RHBDD1: variants seen among roughly 807,000 people sequenced by gnomAD.
The protein encoded by RHBDD1 is rhomboid-related protein 4.
A neutral mutation model predicts 36.3 loss-of-function variants in RHBDD1; 38 were observed. The observed-to-expected ratio is 1.05, with a 90% CI of 0.81 to 1.37. RHBDD1 has a LOEUF of 1.37. Among genes scored for constraint, RHBDD1 ranks in the 40% most tolerant of loss-of-function variants. RHBDD1 has a pLI of 0.00. For synonymous variants in RHBDD1, 151 were observed against 136.5 expected, an observed-to-expected ratio of 1.11 and a Z score of -0.74; for missense variants, 393 against 377.6, an observed-to-expected ratio of 1.04 and a Z score of -0.34.
At chr2:226,953,164 T>C (rs980276793) in intron 8 of RHBDD1, among the ~76,000 whole-genome samples, 6 of 152,234 alleles carry the variant, frequency 3.9e-5, no homozygotes, top group African/African-American at 1.4e-4. Context: ...GATTACTGCT[T>C]GTGTTCCTTT....
At position 226,903,268 on chromosome 2, in the gene RHBDD1, A is replaced by C. The variant is rs1326491112; in HGVS notation, c.567-3525A>C. 2.0e-5 allele frequency among the ~76,000 whole-genome samples: 3 copies of C among 152,212 alleles called. No homozygotes were observed. In the East Asian group the frequency reaches 5.8e-4, roughly 29 times the overall value. On this transcript the variant is annotated intron_variant, in intron 5 of 8. Transcript: ENST00000392062. Reference sequence around the variant, plus strand: ...AGCCCCAGTCAACCTTGATCCAAAAACATTAAATGGAAAATTCCAGAAATA... The same window carrying C: ...AGCCCCAGTCAACCTTGATCCAAAACCATTAAATGGAAAATTCCAGAAATA...
At chr2:226,813,194 G>A in the RHBDD1 span, among the ~76,000 whole-genome samples, 2 of 152,162 alleles carry the variant, frequency 1.3e-5, no homozygotes, top group African/African-American at 4.8e-5. Context: ...ACTCAATAAT[G>A]GCTAACAATA....
At chr2:226,862,561 A>G (rs1364352155) in intron 3 of RHBDD1, among the ~76,000 whole-genome samples, 1 of 152,088 alleles carries the variant, frequency 6.6e-6, no homozygotes, top group African/African-American at 2.4e-5. Context: ...TGTTAAGAGG[A>G]AAAGACTCTT....
chr2:226,816,507 C>G, the RHBDD1 span, among the ~76,000 whole-genome samples: 1 of 152,038 alleles, frequency 6.6e-6, no homozygotes, highest in Non-Finnish European at 1.5e-5. Flanking sequence ...TAAGAAACAG[C>G]CTACTTATGG....
At position 226,948,184 on chromosome 2, in the gene RHBDD1, T is replaced by C. The variant is rs1951129955; in HGVS notation, c.856+33833T>C. On this transcript the variant is annotated intron_variant, in intron 8 of 8. Transcript: ENST00000392062. Reference sequence around the variant, plus strand: ...AACCAGCGCAAATGTCCAACAATGATAGACTGGATTAAGAAAATGTGGCAC... The same window carrying C: ...AACCAGCGCAAATGTCCAACAATGACAGACTGGATTAAGAAAATGTGGCAC... 1.4e-5 allele frequency among the ~76,000 whole-genome samples: 2 copies of C among 146,722 alleles called. 1 individual carries two copies. The highest frequency in any genetic ancestry group is 5.1e-5 in the African/African-American group (2 of 39,120).
At chr2:226,916,212 C>T (rs979614422) in intron 8 of RHBDD1, among the ~76,000 whole-genome samples, 2 of 152,188 alleles carry the variant, frequency 1.3e-5, no homozygotes, top group African/African-American at 4.8e-5. Flanking sequence ...GAGATAGTCT[C>T]CACCTCTTGG....
chr2:226,825,588 C>T, the RHBDD1 span, among the ~76,000 whole-genome samples: 3 of 152,074 alleles, frequency 2.0e-5, no homozygotes, highest in Non-Finnish European at 2.9e-5. Flanking sequence ...CTGAAATAGA[C>T]AGTAAATGGC....
At chr2:226,918,199 G>T (rs1386581842) in intron 8 of RHBDD1, among the ~76,000 whole-genome samples, 1 of 151,448 alleles carries the variant, frequency 6.6e-6, no homozygotes, top group Non-Finnish European at 1.5e-5. Context: ...AATTTTTGTG[G>T]ATACATAGCA....
the RHBDD1 span, among the ~76,000 whole-genome samples, chr2:226,808,891 T>C: frequency 6.6e-6 from 1 of 152,046 alleles, no homozygotes; most frequent in Non-Finnish European, 1.5e-5. Flanking sequence ...TTGTAGTCAT[T>C]GTTTTAAACT....
intron 3 of RHBDD1, among the ~76,000 whole-genome samples, chr2:226,847,295 C>G (rs1942327505): frequency 1.3e-5 from 2 of 152,266 alleles, no homozygotes; most frequent in South Asian, 2.1e-4. Context: ...TATTTTATGT[C>G]TCTATGGTAA....
At chr2:226,811,076 A>C in the RHBDD1 span, 2 of 152,052 alleles carry the variant, frequency 1.3e-5, no homozygotes, top group Non-Finnish European at 2.9e-5. Context: ...CTTGTGGTTT[A>C]TTTGTTGATA....
intron 3 of RHBDD1, among the ~76,000 whole-genome samples, chr2:226,860,060 G>A (rs1477161949): frequency 6.6e-6 from 1 of 152,206 alleles, no homozygotes; most frequent in Non-Finnish European, 1.5e-5. Context: ...TAGGATTTGG[G>A]GGTAGCAGGG....
chr2:226,852,726 C>G (rs546392758), intron 3 of RHBDD1, among the ~76,000 whole-genome samples: 24 of 152,088 alleles, frequency 1.6e-4, no homozygotes, highest in African/African-American at 5.5e-4. Flanking sequence ...ATTTATTGCT[C>G]TACCTTGTCT....
At chr2:226,964,181 G>C (rs536246187) in intron 8 of RHBDD1, among the ~76,000 whole-genome samples, 1 of 152,006 alleles carries the variant, frequency 6.6e-6, no homozygotes, top group Non-Finnish European at 1.5e-5. Context: ...ATCCTTCCCC[G>C]TTCCATTTAC....
chr2:226,912,463 C>T (rs1948589049), intron 7 of RHBDD1, among the ~76,000 whole-genome samples: 1 of 152,140 alleles, frequency 6.6e-6, no homozygotes, highest in South Asian at 2.1e-4. Flanking sequence ...AAATGTCTAT[C>T]AGTTGACACA....
intron 8 of RHBDD1, among the ~76,000 whole-genome samples, chr2:226,961,101 T>A (rs1952162479): frequency 6.6e-6 from 1 of 152,212 alleles, no homozygotes; most frequent in African/African-American, 2.4e-5. Flanking sequence ...CAGTCTGTGA[T>A]GAAGGAAGCC....
intron 5 of RHBDD1, among the ~76,000 whole-genome samples, chr2:226,873,501 T>G (rs1047968524): frequency 5.9e-5 from 9 of 152,332 alleles, no homozygotes; most frequent in African/African-American, 2.2e-4. Flanking sequence ...GAGCTCTGAA[T>G]GAGCCCAGGC....
the RHBDD1 span, among the ~76,000 whole-genome samples, chr2:226,811,614 T>A: frequency 2.0e-5 from 3 of 152,220 alleles, no homozygotes; most frequent in Admixed American, 2.0e-4. Context: ...ATAGTGGAAT[T>A]GTTGCCGGAC....
chr2:226,857,314 C>T (rs1943427879), intron 3 of RHBDD1, among the ~76,000 whole-genome samples: 1 of 152,054 alleles, frequency 6.6e-6, no homozygotes, highest in African/African-American at 2.4e-5. Context: ...TGTGGTGAAA[C>T]TGGAACCCCT....
Sources: allele counts gnomAD v4.1 joint callset (sites outside exome capture counted in the v4.1 genomes callset), GRCh38; gene constraint gnomAD v4.1.1; transcripts MANE v1.5; gene names NCBI Gene and HGNC (gene_info 2026-07-23, HGNC 2026-07-21).